Variants in DGKH observed in about 807,000 individuals in gnomAD.
DGKH encodes the protein DAG kinase eta.
DGKH carries 90 observed loss-of-function variants against 159.3 expected under a neutral mutation model. That is an observed-to-expected ratio of 0.57 (90% CI 0.48 to 0.67). The LOEUF (loss-of-function observed/expected upper bound fraction) is 0.67. Ranked by LOEUF, DGKH falls within the 30% of genes least tolerant of loss-of-function variation. DGKH has a pLI of 0.00. For missense variants in DGKH, 1,181 were observed against 1,506.1 expected (o/e 0.78, Z 3.57); for synonymous variants, 536 against 553.8 (o/e 0.97, Z 0.45).
chr13:42,086,803 G>T (rs1222738626), intron 1 of DGKH, among the ~76,000 whole-genome samples: 1 of 152,174 alleles, frequency 6.6e-6, no homozygotes, highest in Non-Finnish European at 1.5e-5. Context: ...GCTGCCTAGA[G>T]AGTTTTCAGA....
At chr13:42,121,409 G>C (rs1371991967) in intron 1 of DGKH, among the ~76,000 whole-genome samples, 1 of 152,168 alleles carries the variant, frequency 6.6e-6, no homozygotes, top group African/African-American at 2.4e-5. Context: ...ATGCATTTTT[G>C]ACTTACAATA....
At chr13:42,115,490 C>G (rs1336039353) in intron 1 of DGKH, among the ~76,000 whole-genome samples, 1 of 151,734 alleles carries the variant, frequency 6.6e-6, no homozygotes, top group Non-Finnish European at 1.5e-5. Context: ...GTGGGTATAC[C>G]AAGGATGTGA....
intron 1 of DGKH, among the ~76,000 whole-genome samples, chr13:42,086,511 A>G (rs978410841): frequency 2.0e-5 from 3 of 152,216 alleles, no homozygotes; most frequent in African/African-American, 7.2e-5. Context: ...TCTTCCAACT[A>G]TAATTTTTCT....
intron 21 of DGKH, among the ~76,000 whole-genome samples, chr13:42,207,135 TTCC>T (rs1566192653): frequency 7.2e-4 from 17 of 23,484 alleles, no homozygotes; most frequent in Non-Finnish European, 1.3e-3. Context: ...CCTTCCTTCC[TTCC>T]TTCCTTCCTT....
chr13:42,103,168 G>A lies in DGKH; in HGVS notation c.193-24295G>A, dbSNP rs1364545907. ...TAGTGTGGGTAATTGGAAGCCTTGT[G>A]GTTTTGTGGAGTGTCATTTTGAAGG... On this transcript the variant is annotated intron_variant, in intron 1 of 29. Transcript: ENST00000337343. Among the ~76,000 whole-genome samples the A allele has an allele frequency of 2.0e-5, 3 of 152,116 alleles. No homozygotes were observed. The East Asian group carries it at 5.8e-4, about 29-fold the overall frequency.
At chr13:42,254,567 A>G (rs924909650) in intron 30 of DGKH, among the ~76,000 whole-genome samples, 3 of 151,594 alleles carry the variant, frequency 2.0e-5, no homozygotes, top group African/African-American at 7.3e-5. Context: ...TGGGAGGTGG[A>G]GGTTACAGTG....
At chr13:42,192,616 T>TTCTTCTTTCTTCTTCTTCTTCC (rs1957108115) in intron 16 of DGKH, among the ~76,000 whole-genome samples, 3 of 139,188 alleles carry the variant, frequency 2.2e-5, no homozygotes, top group Non-Finnish European at 3.2e-5. Context: ...TTCTTCTTCT[T>TTCTTCTTTCTTCTTCTTCTTCC]TTCTTTCTTC....
chr13:42,192,585 T>TG (rs1180918615), intron 16 of DGKH, among the ~76,000 whole-genome samples: 2 of 79,932 alleles, frequency 2.5e-5, no homozygotes, highest in Admixed American at 1.7e-4. Context: ...CTTCTTCTTC[T>TG]TTTTCCTCTT....
intron 3 of DGKH, among the ~76,000 whole-genome samples, chr13:42,143,997 T>C (rs1426924132): frequency 2.0e-5 from 3 of 152,078 alleles, no homozygotes; most frequent in African/African-American, 7.2e-5. Context: ...AGGCAAGAAA[T>C]AACTAAAAAA....
chr13:42,156,466 C>T (rs916690531), intron 5 of DGKH, among the ~76,000 whole-genome samples: 6 of 152,006 alleles, frequency 3.9e-5, no homozygotes, highest in Non-Finnish European at 8.8e-5. Flanking sequence ...GTCTCAAACT[C>T]CTGGGCTCAA....
In DGKH at chr13:42,127,543, C is replaced by T. The variant is rs1955193694; in HGVS notation, c.273C>T (p.Gly91=). 6.2e-7 allele frequency: 1 copy of T among 1,613,688 alleles called. No individual in the cohort carries two copies. The change falls in exon 2 of 30, where the codon GGC becomes GGT. Residue 91 remains glycine, a synonymous_variant. Coordinates refer to ENST00000337343, the MANE Select transcript of DGKH (RefSeq NM_178009.5). ...RWKKRYFKLR[G]RTLYYAKDSK... ...AAAAGCGATACTTCAAACTTCGAGG[C>T]CGCACCCTTTACTATGCAAAGGACT...
At chr13:42,148,601 T>A (rs1312534507) in intron 3 of DGKH, among the ~76,000 whole-genome samples, 1 of 152,178 alleles carries the variant, frequency 6.6e-6, no homozygotes, top group East Asian at 1.9e-4. Flanking sequence ...CCCTGCCAGT[T>A]ATCTTCCTAA....
chr13:42,135,507 A>AAAAAAAAAAAAAAAAAAAAAAAAG (rs71096557), intron 3 of DGKH, among the ~76,000 whole-genome samples: 50 of 113,400 alleles, frequency 4.4e-4, no homozygotes, highest in African/African-American at 9.1e-4. Flanking sequence ...AAAAAAAAAA[A>AAAAAAAAAAAAAAAAAAAAAAAAG]AGAGAGAGAG....
At position 42,165,624 on chromosome 13, in the gene DGKH, G is replaced by C. The variant is rs1469949812; in HGVS notation, c.958+191G>C. Among the ~76,000 whole-genome samples the C allele has an allele frequency of 2.0e-5, 3 of 152,066 alleles. No individual in the cohort carries two copies. In the South Asian group the frequency reaches 6.2e-4, roughly 31 times the overall value. ...ATATTTAAGTGAAAGTTGTAGAATAGCTGTTAACATTGGCGAAATTACTGT... is the reference window on the plus strand; with the variant it reads ...ATATTTAAGTGAAAGTTGTAGAATACCTGTTAACATTGGCGAAATTACTGT... On this transcript the variant is annotated intron_variant, in intron 8 of 29. Transcript: ENST00000337343.
At position 42,069,574 on chromosome 13, in the gene DGKH, A is replaced by G. The variant is rs1222546477; in HGVS notation, c.192+20609A>G. 3.8e-6 allele frequency: 6 copies of G among 1,585,728 alleles called. No homozygotes were observed. In the African/African-American group the frequency reaches 6.8e-5, roughly 18 times the overall value. ...AGCCAGTTGCCGTGATGCTTCCTCT[A>G]GCGCTATCTGGGCTTTAACCAATCC... On this transcript the variant is annotated intron_variant, in intron 1 of 29. Coordinates refer to ENST00000337343, the MANE Select transcript of DGKH (RefSeq NM_178009.5).
At chr13:42,061,441 G>A (rs1019824910) in intron 1 of DGKH, among the ~76,000 whole-genome samples, 1 of 152,062 alleles carries the variant, frequency 6.6e-6, no homozygotes, top group Admixed American at 6.5e-5. Context: ...GCCTTACCGA[G>A]GACTCCCATA....
At chr13:42,201,747 A>T (rs570796636) in intron 20 of DGKH, among the ~76,000 whole-genome samples, 59 of 152,348 alleles carry the variant, frequency 3.9e-4, no homozygotes, top group Admixed American at 1.1e-3. Flanking sequence ...ATTAAAATAA[A>T]TTAACAACAT....
intron 6 of DGKH, 114 bp from the exon 7 acceptor site, chr13:42,159,897 A>C: frequency 1.4e-6 from 2 of 1,460,028 alleles, no homozygotes; most frequent in South Asian, 2.5e-5. Flanking sequence ...AGTGAATGCT[A>C]TGCATGAAAC....
chr13:42,190,394 T>C lies in DGKH; in HGVS notation c.1913-9T>C. Reference sequence around the variant, plus strand: ...TTATCCAAACTATTTGTCTTCTTACTACCTGAAGTTATGGATGACCCGACA... The same window carrying C: ...TTATCCAAACTATTTGTCTTCTTACCACCTGAAGTTATGGATGACCCGACA... On this transcript the variant is annotated splice_polypyrimidine_tract_variant and intron_variant, in intron 15 of 29. Coordinates refer to ENST00000337343, the MANE Select transcript of DGKH (RefSeq NM_178009.5). The C allele has an allele frequency of 6.2e-7, 1 of 1,604,142 alleles. No homozygotes were observed. The highest frequency in any genetic ancestry group is 8.5e-7 in the Non-Finnish European group (1 of 1,176,978).
Sources: gnomAD v4.1 joint callset for allele counts (sites outside exome capture counted in the v4.1 genomes callset) on GRCh38, gnomAD v4.1.1 for gene constraint, MANE v1.5 for transcripts, NCBI Gene and HGNC (gene_info 2026-07-23, HGNC 2026-07-21) for gene names.